CUL5: variants seen among roughly 807,000 people sequenced by gnomAD.
CUL5 encodes the protein cullin 5.
CUL5 carries 26 observed loss-of-function variants against 108.8 expected under a neutral mutation model. The ratio of observed to expected loss-of-function variants is 0.24; its 90% CI spans 0.18 to 0.33. The LOEUF (loss-of-function observed/expected upper bound fraction) is 0.33, where lower values mean the gene tolerates loss of function less well. CUL5 is among the 10% of genes least tolerant of loss of function. The pLI, the probability that CUL5 is intolerant of heterozygous loss-of-function variation, is 1.00. For synonymous variants in CUL5, 334 were observed against 298.0 expected, an observed-to-expected ratio of 1.12 and a Z score of -1.25; for missense variants, 524 against 909.2, an observed-to-expected ratio of 0.58 and a Z score of 5.45.
At chr11:108,102,441 C>T (rs1344530314) in intron 18 of CUL5, among the ~76,000 whole-genome samples, 1 of 152,192 alleles carries the variant, frequency 6.6e-6, no homozygotes, top group Non-Finnish European at 1.5e-5. Context: ...ATCCTCCTGA[C>T]TCAGCCCCCT....
chr11:108,084,322 T>C (rs189787942), intron 11 of CUL5, among the ~76,000 whole-genome samples: 1 of 152,364 alleles, frequency 6.6e-6, no homozygotes, highest in African/African-American at 2.4e-5. Flanking sequence ...CAGAGGTTAC[T>C]TGAGGATTTG....
chr11:108,103,167 A>AT (rs1386607389), intron 18 of CUL5, among the ~76,000 whole-genome samples: 1 of 152,208 alleles, frequency 6.6e-6, no homozygotes, highest in Admixed American at 6.6e-5. Flanking sequence ...ATATTTAATG[A>AT]TTTTCTGATA....
intron 13 of CUL5, among the ~76,000 whole-genome samples, chr11:108,093,957 C>G (rs1864424046): frequency 6.6e-6 from 1 of 152,214 alleles, no homozygotes; most frequent in African/African-American, 2.4e-5. Flanking sequence ...CCTGCTTCAG[C>G]CTCCCAAAGT....
intron 5 of CUL5, among the ~76,000 whole-genome samples, chr11:108,053,405 A>G (rs1863286295): frequency 6.6e-6 from 1 of 152,178 alleles, no homozygotes; most frequent in Non-Finnish European, 1.5e-5. Flanking sequence ...TTATTGAGTT[A>G]ATGAACCTAT....
At chr11:108,022,678 C>T (rs1208855329) in intron 1 of CUL5, among the ~76,000 whole-genome samples, 1 of 152,164 alleles carries the variant, frequency 6.6e-6, no homozygotes, top group Non-Finnish European at 1.5e-5. Flanking sequence ...CTGTAATCCA[C>T]CCTCCCTCCT....
intron 7 of CUL5, among the ~76,000 whole-genome samples, chr11:108,061,822 T>C (rs1863543236): frequency 6.6e-6 from 1 of 152,126 alleles, no homozygotes; most frequent in South Asian, 2.1e-4. Context: ...CCACATGGCC[T>C]GGGAGTCCTC....
At chr11:108,021,950 G>A (rs1862336490) in intron 1 of CUL5, among the ~76,000 whole-genome samples, 2 of 152,192 alleles carry the variant, frequency 1.3e-5, no homozygotes, top group Admixed American at 6.5e-5. Flanking sequence ...GAGTAGCTAG[G>A]ACTGCAAGTG....
chr11:108,100,150 TAAA>T (rs200023147), intron 18 of CUL5, among the ~76,000 whole-genome samples: 1 of 151,006 alleles, frequency 6.6e-6, no homozygotes, highest in African/African-American at 2.4e-5. Flanking sequence ...CTTAAAAAAA[TAAA>T]AAAAAGGTGG....
chr11:108,009,385 C>T lies in CUL5; in HGVS notation c.24+13C>T. 6.2e-7 allele frequency: 1 copy of T among 1,613,680 alleles called. No homozygotes were observed. The highest frequency in any genetic ancestry group is 8.5e-7 in the Non-Finnish European group (1 of 1,179,700). On this transcript the variant is annotated intron_variant, in intron 1 of 18. Coordinates refer to ENST00000393094, the MANE Select transcript of CUL5 (RefSeq NM_003478.6). ...TAATCTGTTAAAGGTAAGACCCTCA[C>T]TCCAGCTTGGGTTTTACTGTGTGGC...
chr11:108,065,256 C>T (rs901184998), intron 7 of CUL5, among the ~76,000 whole-genome samples: 3 of 152,060 alleles, frequency 2.0e-5, no homozygotes, highest in Non-Finnish European at 2.9e-5. Context: ...CTCTCCTGAC[C>T]TCATGATCTG....
intron 13 of CUL5, 24 bp from the exon 14 acceptor site, chr11:108,094,367 T>TC (rs1167300900): frequency 6.5e-7 from 1 of 1,539,422 alleles, no homozygotes; most frequent in South Asian, 1.3e-5. Flanking sequence ...TATTACCTCT[T>TC]CCTTCTTTGG....
intron 4 of CUL5, among the ~76,000 whole-genome samples, chr11:108,051,033 G>T (rs1304065206): frequency 6.6e-6 from 1 of 152,126 alleles, no homozygotes; most frequent in Non-Finnish European, 1.5e-5. Context: ...TCAATTTACT[G>T]TTTACTGTGA....
chr11:108,050,790 T>A (rs1385657707), intron 4 of CUL5, among the ~76,000 whole-genome samples: 4 of 152,240 alleles, frequency 2.6e-5, no homozygotes, highest in Non-Finnish European at 5.9e-5. Flanking sequence ...ATTTCCCTTT[T>A]ACTTAACTCT....
intron 18 of CUL5, among the ~76,000 whole-genome samples, chr11:108,100,412 G>A (rs1216993596): frequency 6.6e-6 from 1 of 152,022 alleles, no homozygotes; most frequent in Non-Finnish European, 1.5e-5. Context: ...CTGTGGTGGC[G>A]CATGCCTGTA....
At chr11:108,017,308 T>G (rs770337479) in intron 1 of CUL5, among the ~76,000 whole-genome samples, 1 of 148,904 alleles carries the variant, frequency 6.7e-6, no homozygotes, top group Non-Finnish European at 1.5e-5. Context: ...GAGGCTTGCT[T>G]GAGCCCAGGA....
chr11:108,038,780 C>G (rs983407732), intron 2 of CUL5, among the ~76,000 whole-genome samples: 4 of 151,960 alleles, frequency 2.6e-5, no homozygotes, highest in Admixed American at 6.6e-5. Context: ...TAATTAAAAC[C>G]CTTGTAAATT....
At chr11:108,025,130 C>T (rs1862423597) in intron 1 of CUL5, among the ~76,000 whole-genome samples, 1 of 152,130 alleles carries the variant, frequency 6.6e-6, no homozygotes, top group African/African-American at 2.4e-5. Context: ...TTTGATGTTC[C>T]ACAGCTTACT....
intron 4 of CUL5, among the ~76,000 whole-genome samples, chr11:108,052,452 G>T (rs907046779): frequency 6.6e-6 from 1 of 152,034 alleles, no homozygotes; most frequent in Non-Finnish European, 1.5e-5. Context: ...TGTAGAGACA[G>T]GATTTTGCCC....
intron 2 of CUL5, among the ~76,000 whole-genome samples, chr11:108,041,475 C>T (rs1160230497): frequency 6.6e-6 from 1 of 151,654 alleles, no homozygotes; most frequent in Non-Finnish European, 1.5e-5. Flanking sequence ...CGGGGTTTCA[C>T]TATGTTGACC....
Sources: gnomAD v4.1 joint callset for allele counts (sites outside exome capture counted in the v4.1 genomes callset) on GRCh38, gnomAD v4.1.1 for gene constraint, MANE v1.5 for transcripts, NCBI Gene and HGNC (gene_info 2026-07-23, HGNC 2026-07-21) for gene names.